PXDNL: variants seen among roughly 807,000 people sequenced by gnomAD.
PXDNL encodes peroxidasin like, also known as probable oxidoreductase PXDNL.
A neutral mutation model predicts 150.8 loss-of-function variants in PXDNL; 145 were observed. The ratio of observed to expected loss-of-function variants is 0.96; its 90% CI spans 0.84 to 1.10. The LOEUF is 1.10. PXDNL is among the 50% of genes least tolerant of loss of function. PXDNL has a pLI of 0.00. For synonymous variants in PXDNL, 757 were observed against 725.7 expected (o/e 1.04, Z -0.69); for missense variants, 2,087 against 1,873.9 (o/e 1.11, Z -2.10).
intron 3 of PXDNL, among the ~76,000 whole-genome samples, chr8:51,591,286 C>T (rs77123469): frequency 0.019 from 2,833 of 152,190 alleles, 50 homozygotes; most frequent in Middle Eastern, 0.027. Context: ...TTGACTAAGA[C>T]GGTATGTTAG....
intron 21 of PXDNL, among the ~76,000 whole-genome samples, chr8:51,325,001 G>A (rs933606821): frequency 6.6e-6 from 1 of 152,064 alleles, no homozygotes; most frequent in Non-Finnish European, 1.5e-5. Flanking sequence ...GAGTAGCTAG[G>A]ATTACAGGCA....
In PXDNL at chr8:51,543,726, A is replaced by G. The variant is rs918399446; in HGVS notation, c.380+13114T>C. ...ACTCCATATCAAAAAAAAAAAAAAA[A>G]AAAAAGAAAGAAAGAAATAATGACC... On this transcript the variant is annotated intron_variant, in intron 4 of 22. Transcript: ENST00000356297. Among the ~76,000 whole-genome samples the G allele has an allele frequency of 5.4e-4, 82 of 150,628 alleles. 1 individual carries two copies. The highest frequency in any genetic ancestry group is 9.5e-4 in the Non-Finnish European group (64 of 67,616).
At chr8:51,535,053 AG>A (rs1272788826) in intron 4 of PXDNL, among the ~76,000 whole-genome samples, 1 of 96,132 alleles carries the variant, frequency 1.0e-5, no homozygotes, top group African/African-American at 5.7e-5. Context: ...GGAAGTGAGG[AG>A]CCCCTCTGCC....
At chr8:51,355,467 CTCTT>C (rs1461971173) in intron 19 of PXDNL, among the ~76,000 whole-genome samples, 2 of 152,154 alleles carry the variant, frequency 1.3e-5, no homozygotes, top group East Asian at 1.9e-4. Context: ...CATCTGTTGA[CTCTT>C]TGTGCAATTG....
At chr8:51,720,618 G>A (rs1030425104) in intron 1 of PXDNL, among the ~76,000 whole-genome samples, 1 of 152,178 alleles carries the variant, frequency 6.6e-6, no homozygotes. Context: ...TATAGATGAA[G>A]TCTCACTTGA....
intron 21 of PXDNL, among the ~76,000 whole-genome samples, chr8:51,325,110 C>T (rs28805429): frequency 0.3 from 46,058 of 151,962 alleles, 8,456 homozygotes; most frequent in African/African-American, 0.52. Context: ...GTGATCCACC[C>T]GCCTCAGCCT....
intron 4 of PXDNL, among the ~76,000 whole-genome samples, chr8:51,500,272 G>A (rs1811154049): frequency 6.6e-6 from 1 of 152,208 alleles, no homozygotes; most frequent in African/African-American, 2.4e-5. Context: ...CCTGGGGGAT[G>A]GATGAGAAGT....
At chr8:51,743,262 G>C (rs530106453) in intron 1 of PXDNL, among the ~76,000 whole-genome samples, 1 of 152,250 alleles carries the variant, frequency 6.6e-6, no homozygotes, top group East Asian at 1.9e-4. Context: ...CTGTCATCCA[G>C]GCTGGAATGC....
At chr8:51,355,523 T>C (rs568563615) in intron 19 of PXDNL, among the ~76,000 whole-genome samples, 1 of 152,316 alleles carries the variant, frequency 6.6e-6, no homozygotes, top group African/African-American at 2.4e-5. Flanking sequence ...TGGTATAGTG[T>C]CTTAGTACGT....
chr8:51,800,510 A>C (rs2037607150), intron 1 of PXDNL, among the ~76,000 whole-genome samples: 1 of 152,168 alleles, frequency 6.6e-6, no homozygotes, highest in Non-Finnish European at 1.5e-5. Flanking sequence ...GCACAGGCAG[A>C]CTCAGTGTGG....
chr8:51,414,551 A>G (rs979293213), intron 14 of PXDNL, among the ~76,000 whole-genome samples: 2 of 151,836 alleles, frequency 1.3e-5, no homozygotes, highest in Non-Finnish European at 2.9e-5. Flanking sequence ...TATGATGACC[A>G]CAAGATTGAG....
At chr8:51,454,206 C>G (rs969394714) in intron 9 of PXDNL, among the ~76,000 whole-genome samples, 1 of 152,132 alleles carries the variant, frequency 6.6e-6, no homozygotes, top group East Asian at 1.9e-4. Context: ...ACCTGGAATT[C>G]GGGCAGGAAT....
chr8:51,468,722 G>A (rs949349506), intron 8 of PXDNL, among the ~76,000 whole-genome samples: 1 of 151,570 alleles, frequency 6.6e-6, no homozygotes, highest in Admixed American at 6.6e-5. Context: ...AGTCTGGAAG[G>A]ATCTTTCTAT....
chr8:51,798,641 G>C (rs572818360), intron 1 of PXDNL, among the ~76,000 whole-genome samples: 4 of 152,262 alleles, frequency 2.6e-5, no homozygotes, highest in Admixed American at 1.3e-4. Context: ...GATACCATTT[G>C]ATGCAAATCA....
At chr8:51,699,146 G>A (rs911476377) in intron 1 of PXDNL, among the ~76,000 whole-genome samples, 4 of 152,174 alleles carry the variant, frequency 2.6e-5, no homozygotes, top group Admixed American at 6.5e-5. Flanking sequence ...CCTAACAAGA[G>A]AGTCAATCTG....
At chr8:51,360,176 C>T (rs1483961008) in intron 19 of PXDNL, among the ~76,000 whole-genome samples, 1 of 152,040 alleles carries the variant, frequency 6.6e-6, no homozygotes, top group Non-Finnish European at 1.5e-5. Context: ...TGTATACAAC[C>T]ATTCACGTAT....
At chr8:51,516,257 T>C (rs1031220179) in intron 4 of PXDNL, among the ~76,000 whole-genome samples, 9 of 152,204 alleles carry the variant, frequency 5.9e-5, no homozygotes, top group African/African-American at 1.9e-4. Flanking sequence ...ATGTAAAATA[T>C]GCATGGTGAA....
At chr8:51,541,265 A>G (rs888014654) in intron 4 of PXDNL, among the ~76,000 whole-genome samples, 1 of 151,786 alleles carries the variant, frequency 6.6e-6, no homozygotes, top group Non-Finnish European at 1.5e-5. Context: ...AAAAAAAAAA[A>G]AAAAAGAATA....
intron 21 of PXDNL, chr8:51,321,131 C>G: frequency 2.5e-6 from 1 of 398,136 alleles, no homozygotes; most frequent in Non-Finnish European, 4.4e-6. Flanking sequence ...GAACATGGAC[C>G]TAGAGTATGA....
Sources: allele counts gnomAD v4.1 joint callset (sites outside exome capture counted in the v4.1 genomes callset), GRCh38; gene constraint gnomAD v4.1.1; transcripts MANE v1.5; gene names NCBI Gene and HGNC (gene_info 2026-07-23, HGNC 2026-07-21).